Variants in PCDHA5 observed in about 807,000 individuals in gnomAD.
PCDHA5 encodes the protein protocadherin alpha-5.
Under a neutral mutation model 61.6 loss-of-function variants are expected in PCDHA5, and 43 were observed. The ratio of observed to expected loss-of-function variants is 0.70; its 90% CI spans 0.55 to 0.90. The LOEUF (loss-of-function observed/expected upper bound fraction) is 0.90. Ranked by LOEUF, PCDHA5 falls within the 40% of genes least tolerant of loss-of-function variation. The pLI is 0.00. For missense variants in PCDHA5, 1,298 were observed against 1,222.7 expected, an observed-to-expected ratio of 1.06 and a Z score of -0.92; for synonymous variants, 627 against 543.9, an observed-to-expected ratio of 1.15 and a Z score of -2.13.
At chr5:140,962,585 T>C (rs2095694248) in intron 1 of PCDHA5, among the ~76,000 whole-genome samples, 1 of 152,216 alleles carries the variant, frequency 6.6e-6, no homozygotes, top group South Asian at 2.1e-4. Flanking sequence ...ATGCCAAATA[T>C]TTGACTGATA....
At chr5:140,841,353 C>A (rs1777171223) in intron 1 of PCDHA5, 2 of 1,612,606 alleles carry the variant, frequency 1.2e-6, no homozygotes, top group African/African-American at 2.7e-5. Context: ...GAGCTGGGAT[C>A]CTGGCGACTA....
intron 1 of PCDHA5, among the ~76,000 whole-genome samples, chr5:140,950,612 T>A (rs2094502401): frequency 6.6e-6 from 1 of 152,072 alleles, no homozygotes; most frequent in Non-Finnish European, 1.5e-5. Flanking sequence ...ATGATGTGCT[T>A]ATTTATGCTT....
chr5:140,982,506 C>G lies in PCDHA5; in HGVS notation c.2443C>G (p.Arg815Gly). The change falls in exon 3 of 4, where the codon CGG (arginine) becomes GGG (glycine). Residue 815 changes from arginine to glycine, a missense_variant. Transcript: ENST00000529859. ...SVHLEEAGIL[R>G]AGPGGPDQQW... Reference sequence around the variant, plus strand: ...GCACCTAGAGGAGGCTGGCATTCTACGGGCTGGTCCAGGAGGGCCTGATCA... The same window carrying G: ...GCACCTAGAGGAGGCTGGCATTCTAGGGGCTGGTCCAGGAGGGCCTGATCA... 6.2e-7 allele frequency: 1 copy of G among 1,614,162 alleles called. No homozygotes were observed. Among genetic ancestry groups the G allele is most frequent in the Non-Finnish European group, 8.5e-7 (1 of 1,180,032 alleles).
At chr5:140,923,376 A>T (rs1331786466) in intron 1 of PCDHA5, among the ~76,000 whole-genome samples, 5 of 152,086 alleles carry the variant, frequency 3.3e-5, no homozygotes, top group Non-Finnish European at 7.3e-5. Flanking sequence ...ATATTTTTAA[A>T]AATTAGTTGG....
At chr5:140,834,320 A>G (rs1772901114) in intron 1 of PCDHA5, 1 of 1,428,046 alleles carries the variant, frequency 7.0e-7, no homozygotes, top group African/African-American at 1.4e-5. Context: ...ATGAAGGGAT[A>G]AAAACATTCC....
At chr5:140,860,376 A>G (rs1301503949) in intron 1 of PCDHA5, 1 of 152,078 alleles carries the variant, frequency 6.6e-6, no homozygotes, top group Non-Finnish European at 1.5e-5. Context: ...GTGAGACCCT[A>G]TTTCAAAAAT....
chr5:140,985,845 C>T (rs1381097554), intron 3 of PCDHA5, among the ~76,000 whole-genome samples: 1 of 150,700 alleles, frequency 6.6e-6, no homozygotes, highest in African/African-American at 2.4e-5. Flanking sequence ...GTTCATGCCA[C>T]TCTCCTGCCT....
intron 1 of PCDHA5, among the ~76,000 whole-genome samples, chr5:140,838,070 T>C (rs1392729176): frequency 1.6e-5 from 2 of 127,666 alleles, no homozygotes; most frequent in Admixed American, 1.8e-4. Flanking sequence ...TTAAGTTATA[T>C]ATATATAGTG....
chr5:140,843,196 G>A (rs2150355144), intron 1 of PCDHA5: 4 of 1,595,956 alleles, frequency 2.5e-6, no homozygotes, highest in Non-Finnish European at 3.4e-6. Flanking sequence ...TCCGCGTGGG[G>A]CTGTACACGG....
intron 1 of PCDHA5, chr5:140,871,003 C>T (rs782654281): frequency 1.2e-6 from 2 of 1,613,416 alleles, no homozygotes; most frequent in Non-Finnish European, 1.7e-6. Context: ...AAGCACAACG[C>T]GTGCCCTGGA....
chr5:140,861,728 A>G (rs2047042358), intron 1 of PCDHA5: 1 of 191,386 alleles, frequency 5.2e-6, no homozygotes, highest in Non-Finnish European at 1.1e-5. Context: ...TGCTCTGATG[A>G]CTTACATACT....
At chr5:140,836,158 C>G in intron 1 of PCDHA5, 1 of 1,613,784 alleles carries the variant, frequency 6.2e-7, no homozygotes, top group Non-Finnish European at 8.5e-7. Context: ...CATGTGGTGG[C>G]GAAGGTACGT....
At chr5:140,834,956 T>G (rs2150229347) in intron 1 of PCDHA5, 2 of 1,534,454 alleles carry the variant, frequency 1.3e-6, no homozygotes, top group African/African-American at 1.5e-5. Context: ...AGGTAAAACC[T>G]CTTGGACTTG....
intron 1 of PCDHA5, chr5:140,857,554 G>A (rs782355772): frequency 1.3e-6 from 2 of 1,596,880 alleles, no homozygotes; most frequent in East Asian, 4.5e-5. Flanking sequence ...GCGAGCGCTC[G>A]CTGTCGAGCT....
intron 1 of PCDHA5, among the ~76,000 whole-genome samples, chr5:140,840,382 G>C (rs1456193921): frequency 2.0e-5 from 3 of 151,912 alleles, no homozygotes; most frequent in Admixed American, 2.0e-4. Context: ...GAAAATAGGG[G>C]GTTGCAGATA....
At chr5:140,984,783 G>A (rs2097120793) in intron 3 of PCDHA5, among the ~76,000 whole-genome samples, 1 of 152,152 alleles carries the variant, frequency 6.6e-6, no homozygotes, top group African/African-American at 2.4e-5. Flanking sequence ...CTTGCTGGGT[G>A]AGCATAGACA....
At chr5:140,965,436 G>A (rs1389592396) in intron 1 of PCDHA5, among the ~76,000 whole-genome samples, 1 of 152,038 alleles carries the variant, frequency 6.6e-6, no homozygotes, top group Non-Finnish European at 1.5e-5. Flanking sequence ...TGCAGTCATT[G>A]AAATTGCTGG....
intron 1 of PCDHA5, chr5:140,882,584 C>T (rs1554174685): frequency 1.9e-6 from 3 of 1,614,120 alleles, no homozygotes; most frequent in Admixed American, 1.7e-5. Flanking sequence ...CAGCATCCAC[C>T]TGGAGGTGAT....
chr5:140,929,436 C>T, intron 1 of PCDHA5: 1 of 1,470,330 alleles, frequency 6.8e-7, no homozygotes, highest in Non-Finnish European at 9.1e-7. Context: ...TTGAACTAAA[C>T]ACTCCTTCTT....
Sources: gnomAD v4.1 joint callset for allele counts (sites outside exome capture counted in the v4.1 genomes callset) on GRCh38, gnomAD v4.1.1 for gene constraint, MANE v1.5 for transcripts, NCBI Gene and HGNC (gene_info 2026-07-23, HGNC 2026-07-21) for gene names.